Variants in SMARCA2 observed in about 807,000 individuals in gnomAD.
SMARCA2 encodes SWI/SNF related BAF chromatin remodeling complex subunit ATPase 2.
Under a neutral mutation model 199.8 loss-of-function variants are expected in SMARCA2, and 61 were observed. That is an observed-to-expected ratio of 0.31 (90% CI 0.25 to 0.38). The LOEUF (loss-of-function observed/expected upper bound fraction) is 0.38, where lower values mean the gene tolerates loss of function less well. Ranked by LOEUF, SMARCA2 falls within the 10% of genes least tolerant of loss-of-function variation. The pLI is 1.00. For missense variants in SMARCA2, 1,344 were observed against 2,012.2 expected (o/e 0.67, Z 6.35); for synonymous variants, 935 against 732.0 (o/e 1.28, Z -4.48).
Position 2,115,351 on chromosome 9 carries a change from G to A in SMARCA2, c.3457-471G>A, listed in dbSNP as rs764586280. Reference sequence around the variant, plus strand: ...AGTCAGTGTGTGTGTATGTGTGTGTGTGGTAAGATGTATGTATGTATAATA... The same window carrying A: ...AGTCAGTGTGTGTGTATGTGTGTGTATGGTAAGATGTATGTATGTATAATA... On this transcript the variant is annotated intron_variant, in intron 24 of 33. Transcript: ENST00000349721. The surrounding 1 kb of genome is among the most constrained non-coding windows in gnomAD (Gnocchi z 6.0). 2.6e-5 allele frequency among the ~76,000 whole-genome samples: 4 copies of A among 152,188 alleles called. No individual in the cohort carries two copies. Among genetic ancestry groups the A allele is most frequent in the Non-Finnish European group, 5.9e-5 (4 of 68,038 alleles).
chr9:2,105,416 T>TA (rs1822710372), intron 23 of SMARCA2, among the ~76,000 whole-genome samples: 1 of 151,616 alleles, frequency 6.6e-6, no homozygotes. Flanking sequence ...CGGCTAATTT[T>TA]TTTTTTTTGT....
At chr9:2,183,966 A>C (rs1438361947) in intron 31 of SMARCA2, among the ~76,000 whole-genome samples, 1 of 152,302 alleles carries the variant, frequency 6.6e-6, no homozygotes, top group East Asian at 1.9e-4. Context: ...CAACTGAAAT[A>C]AGGTGTCAAG....
At chr9:2,175,681 TA>T (rs1439249632) in intron 29 of SMARCA2, among the ~76,000 whole-genome samples, 1 of 152,294 alleles carries the variant, frequency 6.6e-6, no homozygotes, top group Non-Finnish European at 1.5e-5. Flanking sequence ...GGACCTACTT[TA>T]TTTATGGATA....
chr9:2,067,681 T>C (rs1014786952), intron 9 of SMARCA2, among the ~76,000 whole-genome samples: 3 of 152,226 alleles, frequency 2.0e-5, no homozygotes, highest in Non-Finnish European at 2.9e-5. Flanking sequence ...CTAAGATCTC[T>C]TGCACTTAAT....
At position 2,084,125 on chromosome 9, in the gene SMARCA2, C is replaced by T. The variant is rs1821691878; in HGVS notation, c.2455C>T (p.Arg819Trp). The change falls in exon 17 of 34, where the codon CGG becomes TGG. Residue 819 changes from arginine (R) to tryptophan (W), a missense_variant. By Grantham distance (101) the Arg-to-Trp change is moderately radical. Around this residue, in one of 18 missense-constraint regions of SMARCA2, gnomAD observed 50 missense variants for 81.6 expected, o/e 0.61. Transcript: ENST00000349721. ...GCGTCGCTCCCTTGTCCCCCAGCTA[C>T]GGAGTGGCAAATTCAATGTCCTCTT... The part of the protein sequence containing the change: ...AMRRSLVPQL[R>W]SGKFNVLLTT... 2.5e-6 allele frequency: 4 copies of T among 1,612,682 alleles called. No homozygotes were observed. The highest frequency in any genetic ancestry group is 3.4e-6 in the Non-Finnish European group (4 of 1,178,786).
intron 21 of SMARCA2, among the ~76,000 whole-genome samples, chr9:2,100,953 CAA>C (rs1335123087): frequency 2.6e-5 from 4 of 152,024 alleles, no homozygotes; most frequent in South Asian, 2.1e-4. Flanking sequence ...TGGTGGCAGA[CAA>C]GAGAGAATGT....
Position 2,078,654 on chromosome 9 carries a change from A to G in SMARCA2, c.2184+878A>G, listed in dbSNP as rs192514772. 2.5e-3 allele frequency among the ~76,000 whole-genome samples: 376 copies of G among 152,060 alleles called. 2 individuals carry two copies. The highest frequency in any genetic ancestry group is 8.4e-3 in the African/African-American group (350 of 41,480). Reference sequence around the variant, plus strand: ...TTCTATGAATTGTTCCTTAAAAATTAAAAAAGGAGGCCAGGTGCGGTAGCT... The same window carrying G: ...TTCTATGAATTGTTCCTTAAAAATTGAAAAAGGAGGCCAGGTGCGGTAGCT... On this transcript the variant is annotated intron_variant, in intron 14 of 33. Transcript: ENST00000349721.
intron 4 of SMARCA2, chr9:2,042,927 C>T (rs1819673949): frequency 6.6e-6 from 1 of 152,074 alleles, no homozygotes; most frequent in African/African-American, 2.4e-5. Context: ...GACAGCATTG[C>T]TGAACTTGTC....
intron 1 of SMARCA2, chr9:2,027,576 A>G (rs10964458): frequency 0.1 from 15,797 of 152,240 alleles, 1,036 homozygotes; most frequent in East Asian, 0.26. Context: ...GGTGCTGGGA[A>G]CGTGGAAGGG....
At chr9:2,099,404 C>T (rs888469738) in intron 21 of SMARCA2, among the ~76,000 whole-genome samples, 29 of 152,064 alleles carry the variant, frequency 1.9e-4, no homozygotes, top group Non-Finnish European at 4.0e-4. Flanking sequence ...AATCTTACTT[C>T]GTTTTGGTTA....
chr9:2,121,899 G>A (rs1586727259), intron 26 of SMARCA2, among the ~76,000 whole-genome samples: 1 of 152,212 alleles, frequency 6.6e-6, no homozygotes, highest in Middle Eastern at 3.4e-3. Context: ...TCTACAAAGG[G>A]AAAAAGCACT....
At chr9:2,113,581 G>A (rs902323810) in intron 24 of SMARCA2, among the ~76,000 whole-genome samples, 6 of 152,102 alleles carry the variant, frequency 3.9e-5, no homozygotes, top group Admixed American at 6.5e-5. Flanking sequence ...CTCACATTTC[G>A]TTAAACTTCT....
At position 2,150,901 on chromosome 9, in the gene SMARCA2, C is replaced by G. The variant is rs1436618572; in HGVS notation, c.3982-10785C>G. On this transcript the variant is annotated intron_variant, in intron 27 of 33. Transcript: ENST00000349721. The stretch of plus-strand genomic sequence containing the variant: ...CTATGTGCATCTGTGTCTTAGCAGC[C>G]TTTTCTTAGAAAGACAGCAGTCATA... 1.3e-5 allele frequency among the ~76,000 whole-genome samples: 2 copies of G among 151,482 alleles called. 1 individual carries two copies. Among genetic ancestry groups the G allele is most frequent in the Non-Finnish European group, 3.0e-5 (2 of 67,710 alleles).
chr9:2,147,802 C>T (rs934150234), intron 27 of SMARCA2, among the ~76,000 whole-genome samples: 1 of 151,244 alleles, frequency 6.6e-6, no homozygotes, highest in Admixed American at 6.6e-5. Flanking sequence ...GAGCTGAGTT[C>T]GCACCATTGC....
chr9:2,038,639 C>A (rs142849935), intron 3 of SMARCA2, among the ~76,000 whole-genome samples: 93 of 152,200 alleles, frequency 6.1e-4, no homozygotes, highest in African/African-American at 2.2e-3. Flanking sequence ...CTTCAGGTAC[C>A]CACTGCAGCA....
rs1822654156 is a variant in SMARCA2, at chr9:2,104,216, A to G, written c.3292+47A>G. 2 of 1,542,862 alleles carry G rather than the reference A, an allele frequency of 1.3e-6. No homozygotes were observed. Among genetic ancestry groups the G allele is most frequent in the African/African-American group, 1.4e-5 (1 of 73,312 alleles). On this transcript the variant is annotated intron_variant, in intron 23 of 33. Transcript: ENST00000349721. The surrounding 1 kb of genome is among the most constrained non-coding windows in gnomAD (Gnocchi z 4.0). ...CTCGGAAGCCATACTACTGAAAATG[A>G]AGGGATAATGGGCACTTAGGTCCAA... is the stretch of plus-strand genomic sequence containing the variant.
intron 31 of SMARCA2, among the ~76,000 whole-genome samples, chr9:2,184,849 C>CCTCTCTCT (rs57873443): frequency 2.2e-4 from 34 of 151,164 alleles, no homozygotes; most frequent in East Asian, 1.2e-3. Context: ...ATGGTCCCAT[C>CCTCTCTCT]CTCTCTCTCT....
At chr9:2,120,852 C>T (rs192111862) in intron 26 of SMARCA2, among the ~76,000 whole-genome samples, 1 of 152,278 alleles carries the variant, frequency 6.6e-6, no homozygotes, top group East Asian at 1.9e-4. Context: ...ACAGCATGGT[C>T]AATGTAGGGC....
At position 2,016,614 on chromosome 9, in the gene SMARCA2, C is replaced by T. The variant is rs1053108768; in HGVS notation, c.-37+1210C>T. Among the ~76,000 whole-genome samples, 2 of 151,494 alleles carry T rather than the reference C, an allele frequency of 1.3e-5. No individual in the cohort carries two copies. The highest frequency in any genetic ancestry group is 6.6e-5 in the Admixed American group (1 of 15,266). ...GACTGTCACAAACAGGACCCGCGCA[C>T]CACCGGGCAGCGGCGGTGTGGTTCG... On this transcript the variant is annotated intron_variant, in intron 1 of 33. Coordinates refer to ENST00000349721, the MANE Select transcript of SMARCA2 (RefSeq NM_003070.5). This position sits in a 1 kb window ranked among gnomAD's most constrained non-coding sequence, Gnocchi z 5.6.
Sources: allele counts gnomAD v4.1 joint callset (sites outside exome capture counted in the v4.1 genomes callset), GRCh38; gene constraint gnomAD v4.1.1; regional missense constraint gnomAD v4.1.1; non-coding constraint Gnocchi (gnomAD v3.1); transcripts MANE v1.5; gene names NCBI Gene and HGNC (gene_info 2026-07-23, HGNC 2026-07-21).